CA10: variants seen among roughly 807,000 people sequenced by gnomAD.
CA10 encodes the protein carbonic anhydrase 10 (inactive), also known as carbonic anhydrase-related protein 10.
A neutral mutation model predicts 44.2 loss-of-function variants in CA10; 14 were observed. That is an observed-to-expected ratio of 0.32 (90% CI 0.21 to 0.50). The LOEUF (loss-of-function observed/expected upper bound fraction) is 0.50, where lower values mean the gene tolerates loss of function less well. Ranked by LOEUF, CA10 falls within the 20% of genes least tolerant of loss-of-function variation. The probability of loss-of-function intolerance (pLI) is 0.99; values close to 1 mark genes in which losing one functional copy is unlikely to be tolerated. For missense variants in CA10, 350 were observed against 409.7 expected (o/e 0.85, Z 1.26); for synonymous variants, 159 against 141.6 (o/e 1.12, Z -0.87).
At chr17:51,895,788 C>T (rs1981043839) in intron 3 of CA10, among the ~76,000 whole-genome samples, 1 of 151,994 alleles carries the variant, frequency 6.6e-6, no homozygotes, top group Non-Finnish European at 1.5e-5. Flanking sequence ...GTAGACACTG[C>T]TTTATTTTTA....
rs1295348644 is a variant in CA10 at position 51,790,213 on chromosome 17, G to C, written c.280-42395C>G. ...GGACCCTGGTTTAATGTGCTGCTTT[G>C]CTGGAGCCCGAGCCTCTGATTTCCC... On this transcript the variant is annotated intron_variant, in intron 3 of 8. Transcript: ENST00000451037. 2.6e-5 allele frequency among the ~76,000 whole-genome samples: 4 copies of C among 152,144 alleles called. No homozygotes were observed. In the South Asian group the frequency reaches 8.3e-4, roughly 32 times the overall value.
chr17:52,080,375 C>G (rs1987938622), intron 1 of CA10, among the ~76,000 whole-genome samples: 1 of 151,854 alleles, frequency 6.6e-6, no homozygotes, highest in Admixed American at 6.6e-5. Context: ...TGGCATGAAC[C>G]AGGGAGGCGG....
intron 1 of CA10, among the ~76,000 whole-genome samples, chr17:52,085,475 C>A (rs1477970986): frequency 6.6e-6 from 1 of 152,200 alleles, no homozygotes; most frequent in African/African-American, 2.4e-5. Context: ...GGTCCAAACT[C>A]ATTGACCATC....
At chr17:51,870,007 C>A (rs1979729572) in intron 3 of CA10, among the ~76,000 whole-genome samples, 1 of 152,308 alleles carries the variant, frequency 6.6e-6, no homozygotes, top group East Asian at 1.9e-4. Flanking sequence ...CACAGCCAAT[C>A]CTCAGACCTT....
At chr17:51,913,178 G>T (rs1981857066) in intron 3 of CA10, among the ~76,000 whole-genome samples, 1 of 152,170 alleles carries the variant, frequency 6.6e-6, no homozygotes. Context: ...AATCACAAGG[G>T]TATTGATTCT....
intron 3 of CA10, among the ~76,000 whole-genome samples, chr17:51,888,800 A>T (rs1190565533): frequency 6.6e-6 from 1 of 152,228 alleles, no homozygotes; most frequent in Admixed American, 6.5e-5. Context: ...CTATTGCTAC[A>T]TAATAAATCA....
intron 4 of CA10, among the ~76,000 whole-genome samples, chr17:51,674,723 T>A (rs564668765): frequency 6.6e-6 from 1 of 152,336 alleles, no homozygotes; most frequent in South Asian, 2.1e-4. Flanking sequence ...GGGGACCACC[T>A]CTATTTCCAG....
chr17:51,750,479 G>T (rs1052804518), intron 3 of CA10, among the ~76,000 whole-genome samples: 3 of 148,568 alleles, frequency 2.0e-5, no homozygotes, highest in African/African-American at 4.9e-5. Context: ...TTAGCTGATT[G>T]TTGAATCTTT....
intron 1 of CA10, among the ~76,000 whole-genome samples, chr17:52,121,384 G>A (rs545562893): frequency 1.6e-4 from 25 of 152,194 alleles, no homozygotes; most frequent in South Asian, 4.1e-4. Flanking sequence ...GAAGACCTAG[G>A]TTGGAAGGGA....
chr17:51,851,041 C>G (rs1978771300), intron 3 of CA10, among the ~76,000 whole-genome samples: 1 of 152,220 alleles, frequency 6.6e-6, no homozygotes, highest in South Asian at 2.1e-4. Context: ...TATCCCTGTG[C>G]TCACATAGTA....
At chr17:51,761,831 G>A (rs1002239007) in intron 3 of CA10, 1 of 152,048 alleles carries the variant, frequency 6.6e-6, no homozygotes, top group Non-Finnish European at 1.5e-5. Context: ...ATCCAAACAG[G>A]TCTCTACCCT....
intron 4 of CA10, among the ~76,000 whole-genome samples, chr17:51,701,961 CA>C (rs1031077889): frequency 1.3e-5 from 2 of 152,196 alleles, no homozygotes; most frequent in African/African-American, 4.8e-5. Flanking sequence ...CTCAGGTTGG[CA>C]CCTTACCCAG....
chr17:51,728,460 G>GA, intron 4 of CA10, among the ~76,000 whole-genome samples: 1 of 152,238 alleles, frequency 6.6e-6, no homozygotes, highest in South Asian at 2.1e-4. Context: ...TCCAATCTGT[G>GA]ATAGATCCTC....
At chr17:51,674,428 G>T (rs936098635) in intron 4 of CA10, among the ~76,000 whole-genome samples, 1 of 151,950 alleles carries the variant, frequency 6.6e-6, no homozygotes, top group African/African-American at 2.4e-5. Context: ...TTATTGTGTC[G>T]CTGTGGTCTG....
At chr17:51,848,955 G>A (rs932373869) in intron 3 of CA10, among the ~76,000 whole-genome samples, 2 of 151,506 alleles carry the variant, frequency 1.3e-5, no homozygotes, top group Admixed American at 1.3e-4. Flanking sequence ...CTGAAGCAGG[G>A]GGACTTCTTG....
At chr17:51,900,293 G>A (rs868010522) in intron 3 of CA10, among the ~76,000 whole-genome samples, 9 of 152,104 alleles carry the variant, frequency 5.9e-5, no homozygotes, top group Non-Finnish European at 1.2e-4. Flanking sequence ...ATGAAGCTTA[G>A]TTTGGCAGGA....
chr17:52,111,281 C>A, intron 1 of CA10, among the ~76,000 whole-genome samples: 1 of 152,142 alleles, frequency 6.6e-6, no homozygotes, highest in East Asian at 1.9e-4. Flanking sequence ...TACACCTACG[C>A]TTACATCCAA....
intron 1 of CA10, among the ~76,000 whole-genome samples, chr17:52,112,233 G>T (rs1475098020): frequency 6.6e-6 from 1 of 151,318 alleles, no homozygotes; most frequent in African/African-American, 2.4e-5. Flanking sequence ...AATACAAAAA[G>T]TTCTCTCTCA....
intron 1 of CA10, among the ~76,000 whole-genome samples, chr17:52,097,919 A>G (rs990852031): frequency 4.6e-5 from 7 of 152,180 alleles, no homozygotes; most frequent in African/African-American, 7.2e-5. Context: ...CTTGCCTGCA[A>G]TAAGTATCCA....
Sources: gnomAD v4.1 joint callset for allele counts (sites outside exome capture counted in the v4.1 genomes callset) on GRCh38, gnomAD v4.1.1 for gene constraint, MANE v1.5 for transcripts, NCBI Gene and HGNC (gene_info 2026-07-23, HGNC 2026-07-21) for gene names.